NUMB: variants seen among roughly 807,000 people sequenced by gnomAD.
NUMB encodes protein numb homolog.
In NUMB, 29 loss-of-function variants were observed where a neutral mutation model predicts 59.7. The ratio of observed to expected loss-of-function variants is 0.49; its 90% CI spans 0.36 to 0.66. The LOEUF (loss-of-function observed/expected upper bound fraction) is 0.66, where lower values mean the gene tolerates loss of function less well. Ranked by LOEUF, NUMB falls within the 30% of genes least tolerant of loss-of-function variation. The pLI is 0.00. For missense variants in NUMB, 723 were observed against 822.0 expected, an observed-to-expected ratio of 0.88 and a Z score of 1.47; for synonymous variants, 288 against 288.2, an observed-to-expected ratio of 1.00 and a Z score of 0.01.
At chr14:73,389,294 CAAAAACA>C (rs1566775250) in intron 2 of NUMB, among the ~76,000 whole-genome samples, 10 of 77,284 alleles carry the variant, frequency 1.3e-4, no homozygotes, top group African/African-American at 5.2e-4. Context: ...AAAAAAAAAA[CAAAAACA>C]AAAACACTGG....
intron 9 of NUMB, among the ~76,000 whole-genome samples, chr14:73,285,979 A>G (rs1024414531): frequency 6.0e-5 from 9 of 151,192 alleles, no homozygotes; most frequent in South Asian, 2.1e-4. Context: ...AAAAATGACT[A>G]GTTTAGAACT....
At chr14:73,324,102 G>A (rs1284626543) in intron 4 of NUMB, among the ~76,000 whole-genome samples, 2 of 152,176 alleles carry the variant, frequency 1.3e-5, no homozygotes, top group Non-Finnish European at 2.9e-5. Context: ...CTTATCAACT[G>A]GGGTAGATTA....
At chr14:73,375,373 A>C (rs1594963522) in intron 2 of NUMB, among the ~76,000 whole-genome samples, 1 of 152,210 alleles carries the variant, frequency 6.6e-6, no homozygotes, top group Non-Finnish European at 1.5e-5. Flanking sequence ...CTGAGACATA[A>C]AGAGATTAAG....
At chr14:73,393,512 A>C (rs1895959246) in intron 2 of NUMB, among the ~76,000 whole-genome samples, 1 of 152,216 alleles carries the variant, frequency 6.6e-6, no homozygotes, top group Non-Finnish European at 1.5e-5. Context: ...ACAGACTCTA[A>C]TGCCATCATA....
chr14:73,435,839 T>C (rs762722194), intron 1 of NUMB, among the ~76,000 whole-genome samples: 2 of 151,806 alleles, frequency 1.3e-5, no homozygotes, highest in African/African-American at 4.8e-5. Context: ...AAACCCCATC[T>C]CTACTAAAAA....
intron 1 of NUMB, among the ~76,000 whole-genome samples, chr14:73,436,914 G>A (rs1034480621): frequency 6.6e-6 from 1 of 151,436 alleles, no homozygotes; most frequent in Non-Finnish European, 1.5e-5. Flanking sequence ...AGGAGGCGGA[G>A]GTTGCAGTAA....
chr14:73,438,885 G>A (rs1882819590), intron 1 of NUMB, among the ~76,000 whole-genome samples: 1 of 152,114 alleles, frequency 6.6e-6, no homozygotes. Context: ...CCCTCACTAA[G>A]TAGGTCTAGT....
chr14:73,358,435 C>T (rs1330654917), intron 3 of NUMB, among the ~76,000 whole-genome samples: 2 of 152,132 alleles, frequency 1.3e-5, no homozygotes, highest in Admixed American at 1.3e-4. Context: ...CCTCCAGCTA[C>T]CCTAAACTAC....
chr14:73,372,691 A>C (rs1894770041), intron 2 of NUMB, among the ~76,000 whole-genome samples: 1 of 151,886 alleles, frequency 6.6e-6, no homozygotes, highest in Non-Finnish European at 1.5e-5. Context: ...CTGACAAAAA[A>C]CAGTTTCAAA....
In NUMB at chr14:73,277,393, C is replaced by G. The variant is rs549541689; in HGVS notation, c.1241-100G>C. ...AATGATCCTAACATGTACAACATGT[C>G]CCCCCCTAATGGGACATTTTGTGGT... is the stretch of plus-strand genomic sequence containing the variant. On this transcript the variant is annotated intron_variant, in intron 12 of 12. Coordinates refer to ENST00000555238, the MANE Select transcript of NUMB (RefSeq NM_001005743.2). The G allele has an allele frequency of 6.5e-6, 6 of 923,612 alleles. No homozygotes were observed. The African/African-American group carries it at 8.4e-5, about 13-fold the overall frequency. The allele number at this position is 923,612 out of a possible 1,614,324, so 57.2% of individuals were successfully genotyped here. A position where few individuals can be genotyped will look rare whatever the true frequency, so the allele number is the denominator to read the frequency against.
At chr14:73,311,168 G>A (rs1486770098) in intron 6 of NUMB, among the ~76,000 whole-genome samples, 1 of 152,072 alleles carries the variant, frequency 6.6e-6, no homozygotes, top group Non-Finnish European at 1.5e-5. Context: ...CGATTCTCTT[G>A]CCTCAGCCTC....
chr14:73,390,016 A>T (rs960414501), intron 2 of NUMB, among the ~76,000 whole-genome samples: 25 of 152,360 alleles, frequency 1.6e-4, no homozygotes, highest in African/African-American at 5.8e-4. Flanking sequence ...GAACATTTTT[A>T]AAAAATAAAG....
At chr14:73,395,256 G>A (rs1301434227) in intron 2 of NUMB, among the ~76,000 whole-genome samples, 3 of 128,228 alleles carry the variant, frequency 2.3e-5, no homozygotes, top group Non-Finnish European at 4.8e-5. Context: ...CCATTCATCT[G>A]TTGATGGACA....
At chr14:73,367,929 T>C (rs1481251018) in intron 2 of NUMB, among the ~76,000 whole-genome samples, 1 of 152,106 alleles carries the variant, frequency 6.6e-6, no homozygotes, top group Non-Finnish European at 1.5e-5. Flanking sequence ...CAAAACACTC[T>C]AGAGAATCTC....
chr14:73,436,703 G>C lies in NUMB; in HGVS notation c.-233+21790C>G, dbSNP rs566532482. Among the ~76,000 whole-genome samples, 246 of 152,052 alleles carry C rather than the reference G, an allele frequency of 1.6e-3. 1 individual carries two copies. Among genetic ancestry groups the C allele is most frequent in the African/African-American group, 5.6e-3 (234 of 41,518 alleles). Reference sequence around the variant, plus strand: ...GACACTCTTATAGAAACTCTTGGCCGGGCGCGGTGGCTCACACCTGTAATC... The same window carrying C: ...GACACTCTTATAGAAACTCTTGGCCCGGCGCGGTGGCTCACACCTGTAATC... On this transcript the variant is annotated intron_variant, in intron 1 of 12. Transcript: ENST00000555238.
At chr14:73,416,932 A>G (rs1327789406) in intron 1 of NUMB, among the ~76,000 whole-genome samples, 1 of 151,524 alleles carries the variant, frequency 6.6e-6, no homozygotes, top group African/African-American at 2.4e-5. Flanking sequence ...TACCCATTGA[A>G]ACCCCAACCC....
intron 6 of NUMB, among the ~76,000 whole-genome samples, chr14:73,299,743 C>G (rs552835426): frequency 4.0e-4 from 60 of 151,890 alleles, no homozygotes; most frequent in Non-Finnish European, 8.4e-4. Flanking sequence ...GTATTAAATA[C>G]TTTTTTTTAC....
At chr14:73,295,869 C>T (rs1210837972) in intron 7 of NUMB, among the ~76,000 whole-genome samples, 1 of 152,084 alleles carries the variant, frequency 6.6e-6, no homozygotes, top group Non-Finnish European at 1.5e-5. Flanking sequence ...CTCTCAAATG[C>T]AAAATGGTAC....
At chr14:73,437,007 T>G (rs983056568) in intron 1 of NUMB, among the ~76,000 whole-genome samples, 1 of 150,976 alleles carries the variant, frequency 6.6e-6, no homozygotes, top group Non-Finnish European at 1.5e-5. Flanking sequence ...AAGAAACTCT[T>G]AAATATATTT....
Sources: gnomAD v4.1 joint callset for allele counts (sites outside exome capture counted in the v4.1 genomes callset) on GRCh38, gnomAD v4.1.1 for gene constraint, MANE v1.5 for transcripts, NCBI Gene and HGNC (gene_info 2026-07-23, HGNC 2026-07-21) for gene names.